The following TLK1 variants were observed in gnomAD, a reference collection of about 807,000 sequenced individuals.
TLK1 encodes the protein tousled like kinase 1.
Under a neutral mutation model 105.3 loss-of-function variants are expected in TLK1, and 24 were observed. The ratio of observed to expected loss-of-function variants is 0.23; its 90% CI spans 0.17 to 0.32. TLK1 has a LOEUF of 0.32. TLK1 is among the 10% of genes least tolerant of loss of function. The pLI is 1.00. For missense variants in TLK1, 558 were observed against 910.5 expected, an observed-to-expected ratio of 0.61 and a Z score of 4.98; for synonymous variants, 321 against 310.4, an observed-to-expected ratio of 1.03 and a Z score of -0.36.
chr2:171,091,968 G>A (rs908909635), intron 2 of TLK1, among the ~76,000 whole-genome samples: 4 of 151,740 alleles, frequency 2.6e-5, no homozygotes, highest in African/African-American at 7.3e-5. Flanking sequence ...TCCTGACCTC[G>A]TGATCCGCCA....
At chr2:171,069,791 C>T (rs376885743) in intron 3 of TLK1, among the ~76,000 whole-genome samples, 4 of 152,218 alleles carry the variant, frequency 2.6e-5, no homozygotes, top group African/African-American at 9.6e-5. Context: ...ATTATGTATT[C>T]GTGAATTCTA....
Position 171,014,853 on chromosome 2 carries a change from T to A in TLK1, c.1332A>T (p.Ser444=), listed in dbSNP as rs375128587. The part of the protein sequence containing the change: ...ELKRINNEDN[S]QFKDHPTLNE... ...GTGAAATGCAAATAATGACTTACTG[T>A]GAATTATCTTCATTGTTTATTCTTT... is the stretch of plus-strand genomic sequence containing the variant. The change falls in exon 13 of 21, where the codon TCA becomes TCT. Residue 444 remains serine, a splice_region_variant and synonymous_variant. Transcript: ENST00000431350. 35 of 1,607,642 alleles carry A rather than the reference T, an allele frequency of 2.2e-5. No homozygotes were observed. Among genetic ancestry groups the A allele is most frequent in the Non-Finnish European group, 4.3e-6 (5 of 1,174,652 alleles).
chr2:171,007,849 A>C (rs1430618232), intron 14 of TLK1, among the ~76,000 whole-genome samples: 6 of 152,138 alleles, frequency 3.9e-5, no homozygotes, highest in African/African-American at 1.4e-4. Flanking sequence ...TTGTCTCAAA[A>C]AGAATTTATA....
intron 3 of TLK1, 37 bp downstream of exon 3, chr2:171,082,744 A>C: frequency 6.8e-7 from 1 of 1,462,278 alleles, no homozygotes; most frequent in Non-Finnish European, 9.5e-7. Context: ...TCCAGCTTTT[A>C]CTTTAATAGC....
chr2:171,202,900 G>A (rs1343970047), intron 1 of TLK1, among the ~76,000 whole-genome samples: 1 of 152,116 alleles, frequency 6.6e-6, no homozygotes, highest in Middle Eastern at 3.4e-3. Context: ...AATTTCCAAA[G>A]TCCTTTTTGA....
At chr2:171,135,303 TTGTG>T (rs769053145) in intron 1 of TLK1, among the ~76,000 whole-genome samples, 41 of 106,112 alleles carry the variant, frequency 3.9e-4, no homozygotes, top group South Asian at 1.0e-3. Context: ...ATGTGTGTGT[TTGTG>T]TGTGTGTGTG....
At chr2:171,045,419 G>A (rs1178017413) in intron 11 of TLK1, 2 of 6,676 alleles carry the variant, frequency 3.0e-4, no homozygotes, top group South Asian at 0.042. Flanking sequence ...CAGTAGAGAC[G>A]GGGTTTCTCT....
At chr2:171,062,244 C>T (rs1687788919) in intron 3 of TLK1, among the ~76,000 whole-genome samples, 2 of 152,202 alleles carry the variant, frequency 1.3e-5, no homozygotes, top group South Asian at 2.1e-4. Context: ...CTGAACTTCA[C>T]AAGAGCTCCA....
rs11335300 is a variant in TLK1, at chr2:171,149,099, CTTT to C, written c.139+11188_139+11190del. Among the ~76,000 whole-genome samples, 376 of 57,884 alleles carry C rather than the reference CTTT, an allele frequency of 6.5e-3. 2 individuals are homozygous for C. The highest frequency in any genetic ancestry group is 0.024 in the African/African-American group (330 of 13,762). The allele number at this position is 57,884 out of a possible 152,430, so 38.0% of individuals were successfully genotyped here. A position where few individuals can be genotyped will look rare whatever the true frequency, so the allele number is the denominator to read the frequency against. On this transcript the variant is annotated intron_variant, in intron 1 of 20. Transcript: ENST00000431350. ...ATTTTTCATCCTTTGAATTACTTTT[CTTT>C]TTTTTTTTTTTTTTTTTTTTTAACA...
At position 170,991,501 on chromosome 2, in the gene TLK1, A is replaced by G. The variant is rs1016268106; in HGVS notation, c.*2279T>C. 3.9e-5 allele frequency: 6 copies of G among 152,228 alleles called. No homozygotes were observed. Among genetic ancestry groups the G allele is most frequent in the East Asian group, 1.9e-4 (1 of 5,204 alleles). 9.4% of individuals were successfully genotyped at this position (152,228 alleles called of 1,614,324 possible). A position where few individuals can be genotyped will look rare whatever the true frequency, so the allele number is the denominator to read the frequency against. On this transcript the variant is annotated 3_prime_UTR_variant, in exon 21 of 21. Coordinates refer to ENST00000431350, the MANE Select transcript of TLK1 (RefSeq NM_012290.5). ...ACTTTTAGAAGGAAAATATGGGTCTATAAGTTGATTCATCTCCTACACATC... is the reference window on the plus strand; with the variant it reads ...ACTTTTAGAAGGAAAATATGGGTCTGTAAGTTGATTCATCTCCTACACATC...
At chr2:171,196,308 A>C (rs1177562314) in intron 1 of TLK1, among the ~76,000 whole-genome samples, 2 of 151,944 alleles carry the variant, frequency 1.3e-5, no homozygotes, top group African/African-American at 4.8e-5. Flanking sequence ...ATAGAGATGG[A>C]GTTTCACCAT....
At chr2:171,133,016 C>G (rs1391249500) in intron 1 of TLK1, among the ~76,000 whole-genome samples, 1 of 152,198 alleles carries the variant, frequency 6.6e-6, no homozygotes, top group South Asian at 2.1e-4. Context: ...ACTCCTCTTA[C>G]AGATCTTATT....
intron 11 of TLK1, among the ~76,000 whole-genome samples, chr2:171,043,884 TTTC>T (rs1270047677): frequency 6.6e-6 from 1 of 152,196 alleles, no homozygotes; most frequent in East Asian, 1.9e-4. Flanking sequence ...CAGCCCACAC[TTTC>T]TTTTAATACA....
chr2:171,215,227 C>T (rs997992091), intron 1 of TLK1, among the ~76,000 whole-genome samples: 1 of 152,200 alleles, frequency 6.6e-6, no homozygotes, highest in African/African-American at 2.4e-5. Flanking sequence ...AGGCGTGAGC[C>T]GCCGTGCCCA....
chr2:171,099,170 A>G (rs1689583438), intron 2 of TLK1, among the ~76,000 whole-genome samples: 1 of 152,264 alleles, frequency 6.6e-6, no homozygotes, highest in South Asian at 2.1e-4. Context: ...AAAGGTTGCA[A>G]GACACAAGAC....
At chr2:171,190,220 G>A (rs1693119049) in intron 1 of TLK1, among the ~76,000 whole-genome samples, 1 of 152,172 alleles carries the variant, frequency 6.6e-6, no homozygotes, top group Non-Finnish European at 1.5e-5. Flanking sequence ...GATCTGTTTA[G>A]GAGGTACACA....
intron 2 of TLK1, among the ~76,000 whole-genome samples, chr2:171,086,490 A>G (rs1403713912): frequency 6.6e-6 from 1 of 152,018 alleles, no homozygotes; most frequent in East Asian, 1.9e-4. Flanking sequence ...GCCAGGCGTC[A>G]TGGCGCATGC....
rs890114002 is a variant in TLK1 at position 170,992,738 on chromosome 2, T to A, written c.*1042A>T. ...CTTGCACCTTCTAGGTCATTTAATT[T>A]TTTAGCAAAGAAGCAACATCATTTA... On this transcript the variant is annotated 3_prime_UTR_variant, in exon 21 of 21. Coordinates refer to ENST00000431350, the MANE Select transcript of TLK1 (RefSeq NM_012290.5). 3 of 152,612 alleles carry A rather than the reference T, an allele frequency of 2.0e-5. No individual in the cohort carries two copies. Among genetic ancestry groups the A allele is most frequent in the South Asian group, 2.1e-4 (1 of 4,838 alleles). 9.5% of individuals were successfully genotyped at this position (152,612 alleles called of 1,614,324 possible).
At chr2:171,187,880 G>A (rs2105311738) in intron 1 of TLK1, among the ~76,000 whole-genome samples, 1 of 152,212 alleles carries the variant, frequency 6.6e-6, no homozygotes, top group Non-Finnish European at 1.5e-5. Flanking sequence ...ACTATAAGTA[G>A]AGATTTAATT....
Sources: allele counts gnomAD v4.1 joint callset (sites outside exome capture counted in the v4.1 genomes callset), GRCh38; gene constraint gnomAD v4.1.1; transcripts MANE v1.5; gene names NCBI Gene and HGNC (gene_info 2026-07-23, HGNC 2026-07-21).